Variants in SSH2 observed in about 807,000 individuals in gnomAD.
SSH2 encodes slingshot protein phosphatase 2, also known as protein phosphatase Slingshot homolog 2.
Under a neutral mutation model 135.2 loss-of-function variants are expected in SSH2, and 37 were observed. The ratio of observed to expected loss-of-function variants is 0.27; its 90% CI spans 0.21 to 0.36. The LOEUF (loss-of-function observed/expected upper bound fraction) is 0.36. Among genes scored for constraint, SSH2 ranks in the 10% least tolerant of loss-of-function variants. SSH2 has a pLI of 1.00. For synonymous variants in SSH2, 628 were observed against 646.2 expected (o/e 0.97, Z 0.43); for missense variants, 1,408 against 1,765.3 (o/e 0.80, Z 3.63).
chr17:29,719,097 T>C (rs1389781759), intron 3 of SSH2, among the ~76,000 whole-genome samples: 1 of 152,180 alleles, frequency 6.6e-6, no homozygotes, highest in Non-Finnish European at 1.5e-5. Flanking sequence ...TGGACCACCC[T>C]GGAGGCCAGC....
intron 3 of SSH2, among the ~76,000 whole-genome samples, chr17:29,781,847 C>A (rs1567970755): frequency 6.6e-6 from 1 of 151,428 alleles, no homozygotes; most frequent in African/African-American, 2.4e-5. Context: ...CTCTCTCTCT[C>A]TCTTTCTTTC....
chr17:29,724,804 G>A (rs1028210723), intron 3 of SSH2, among the ~76,000 whole-genome samples: 7 of 150,788 alleles, frequency 4.6e-5, no homozygotes, highest in African/African-American at 1.5e-4. Flanking sequence ...TGCCCAGGCT[G>A]GTCTCAAACT....
At chr17:29,806,425 T>G (rs1037503559) in intron 2 of SSH2, among the ~76,000 whole-genome samples, 3 of 152,218 alleles carry the variant, frequency 2.0e-5, no homozygotes, top group Non-Finnish European at 4.4e-5. Flanking sequence ...GTTAAAGGAA[T>G]GCTCCAGATT....
intron 3 of SSH2, among the ~76,000 whole-genome samples, chr17:29,756,355 C>G (rs1435532178): frequency 6.6e-6 from 1 of 151,876 alleles, no homozygotes; most frequent in African/African-American, 2.4e-5. Flanking sequence ...ACTGTAACCT[C>G]GGATTCCTAG....
At chr17:29,697,526 T>C (rs1313070834) in intron 4 of SSH2, among the ~76,000 whole-genome samples, 1 of 152,182 alleles carries the variant, frequency 6.6e-6, no homozygotes, top group African/African-American at 2.4e-5. Flanking sequence ...TCATACAGAA[T>C]AGTTTTCTTA....
chr17:29,797,156 A>C (rs2042172299), intron 2 of SSH2, among the ~76,000 whole-genome samples: 1 of 151,890 alleles, frequency 6.6e-6, no homozygotes, highest in South Asian at 2.1e-4. Context: ...ATTTATATAC[A>C]ATGAAATATA....
At chr17:29,722,933 CT>C (rs1287310960) in intron 3 of SSH2, among the ~76,000 whole-genome samples, 1 of 152,228 alleles carries the variant, frequency 6.6e-6, no homozygotes, top group Non-Finnish European at 1.5e-5. Context: ...AGCCACAGGG[CT>C]GAAGAACAAA....
At chr17:29,766,225 T>C (rs913261748) in intron 3 of SSH2, among the ~76,000 whole-genome samples, 2 of 151,928 alleles carry the variant, frequency 1.3e-5, no homozygotes, top group Non-Finnish European at 2.9e-5. Context: ...CTGGGCACAG[T>C]GGCTCACACC....
intron 11 of SSH2, among the ~76,000 whole-genome samples, chr17:29,657,120 C>G (rs528343246): frequency 2.8e-4 from 43 of 152,278 alleles, no homozygotes; most frequent in African/African-American, 1.0e-3. Context: ...GCATGCATCA[C>G]CATGCCCAGC....
At chr17:29,835,850 G>A (rs1568003889) in intron 2 of SSH2, among the ~76,000 whole-genome samples, 1 of 151,606 alleles carries the variant, frequency 6.6e-6, no homozygotes, top group Non-Finnish European at 1.5e-5. Context: ...CGTGGTGGTG[G>A]GCGACTGTAG....
chr17:29,798,325 AT>A (rs1434595589), intron 2 of SSH2, among the ~76,000 whole-genome samples: 2 of 151,966 alleles, frequency 1.3e-5, no homozygotes, highest in Admixed American at 1.3e-4. Flanking sequence ...TGCCCGGCTA[AT>A]TTTTGTAGTT....
chr17:29,803,509 G>C (rs148322389), intron 2 of SSH2, among the ~76,000 whole-genome samples: 19 of 152,272 alleles, frequency 1.2e-4, no homozygotes, highest in African/African-American at 4.3e-4. Flanking sequence ...AAAAGGACTA[G>C]TCATCCTAAA....
intron 13 of SSH2, 34 bp downstream of exon 13, chr17:29,650,620 A>G (rs762631775): frequency 1.1e-5 from 18 of 1,574,284 alleles, no homozygotes; most frequent in Admixed American, 1.8e-5. Context: ...CAAGAGGAAC[A>G]GAGATCACAA....
chr17:29,779,839 A>AAAAAAC, intron 3 of SSH2, among the ~76,000 whole-genome samples: 1 of 148,680 alleles, frequency 6.7e-6, no homozygotes, highest in African/African-American at 2.5e-5. Context: ...AAAAAAAAAA[A>AAAAAAC]AGATGAACAG....
At chr17:29,909,149 T>G (rs1294370565) in intron 1 of SSH2, among the ~76,000 whole-genome samples, 2 of 152,192 alleles carry the variant, frequency 1.3e-5, no homozygotes, top group Non-Finnish European at 2.9e-5. Context: ...TCTATCCTAC[T>G]GTAAAAATAG....
intron 3 of SSH2, among the ~76,000 whole-genome samples, chr17:29,707,672 T>C (rs1043967410): frequency 2.4e-4 from 36 of 152,030 alleles, no homozygotes; most frequent in African/African-American, 8.7e-4. Context: ...ACTATGGGCA[T>C]ACGTCACCAT....
chr17:29,717,945 GA>G (rs1567911319), intron 3 of SSH2, among the ~76,000 whole-genome samples: 2 of 152,238 alleles, frequency 1.3e-5, no homozygotes, highest in African/African-American at 4.8e-5. Flanking sequence ...AATTAGCAAG[GA>G]GGTCAGGGGC....
intron 3 of SSH2, among the ~76,000 whole-genome samples, chr17:29,709,015 T>TATATATATATATATATATATATAG (rs780981175): frequency 2.5e-5 from 2 of 81,594 alleles, no homozygotes; most frequent in South Asian, 5.5e-4. Flanking sequence ...TATATATATA[T>TATATATATATATATATATATATAG]AGAGAGAGAG....
Position 29,908,763 on chromosome 17 carries a change from GAA to G in SSH2, c.63+21173_63+21174del, listed in dbSNP as rs60242323. On this transcript the variant is annotated intron_variant, in intron 1 of 15. Coordinates refer to ENST00000540801, the MANE Select transcript of SSH2 (RefSeq NM_001282129.2). ...TGGGCAACAGAGCAAGACTCCATCT[GAA>G]AAAAAAAAAAAAAAAAAAAAAAAAA... Among the ~76,000 whole-genome samples the G allele has an allele frequency of 5.9e-3, 298 of 50,838 alleles. 1 individual carries two copies. The highest frequency in any genetic ancestry group is 0.024 in the African/African-American group (229 of 9,512). 33.4% of individuals were successfully genotyped at this position (50,838 alleles called of 152,430 possible). A position where few individuals can be genotyped will look rare whatever the true frequency, so the allele number is the denominator to read the frequency against.
Sources: allele counts gnomAD v4.1 joint callset (sites outside exome capture counted in the v4.1 genomes callset), GRCh38; gene constraint gnomAD v4.1.1; transcripts MANE v1.5; gene names NCBI Gene and HGNC (gene_info 2026-07-23, HGNC 2026-07-21).